The following ZNF347 variants were observed in gnomAD, a reference collection of about 807,000 sequenced individuals.
The protein encoded by ZNF347 is CTD-2620I22.7.
A neutral mutation model predicts 12.9 loss-of-function variants in ZNF347; 19 were observed. The observed-to-expected ratio is 1.47, with a 90% CI of 1.03 to 2.16. The LOEUF (loss-of-function observed/expected upper bound fraction) is 2.16. Among genes scored for constraint, ZNF347 ranks in the 30% most tolerant of loss-of-function variants. The pLI is 0.00. For synonymous variants in ZNF347, 328 were observed against 340.6 expected, an observed-to-expected ratio of 0.96 and a Z score of 0.41; for missense variants, 1,005 against 990.6, an observed-to-expected ratio of 1.01 and a Z score of -0.19.
rs368137575 is a variant in ZNF347 at position 53,149,020 on chromosome 19, T to C, written c.143-211A>G. 4.0e-5 allele frequency: 44 copies of C among 1,108,116 alleles called. No individual in the cohort carries two copies. The South Asian group carries it at 4.8e-4, about 12-fold the overall frequency. 68.6% of individuals were successfully genotyped at this position (1,108,116 alleles called of 1,614,324 possible). The stretch of plus-strand genomic sequence containing the variant: ...AAACCACTGAATCAAAGCATGGGGA[T>C]AGAAAACAGGGAATTGGATATTTTA... On this transcript the variant is annotated intron_variant, in intron 3 of 4. Coordinates refer to ENST00000334197, the MANE Select transcript of ZNF347 (RefSeq NM_032584.3).
At position 53,140,754 on chromosome 19, in the gene ZNF347, G is replaced by C. The variant is rs780251954; in HGVS notation, c.2074C>G (p.Gln692Glu). 1.9e-6 allele frequency: 3 copies of C among 1,612,296 alleles called. No individual in the cohort carries two copies. The highest frequency in any genetic ancestry group is 2.2e-5 in the South Asian group (2 of 90,862). The change falls in exon 5 of 5, where the codon CAA (glutamine) becomes GAA (glutamate). Residue 692 changes from glutamine (Q) to glutamate (E), a missense_variant. By Grantham distance (29) the Gln-to-Glu change is conservative (BLOSUM62 2). Coordinates refer to ENST00000334197, the MANE Select transcript of ZNF347 (RefSeq NM_032584.3). Reference sequence around the variant, plus strand: ...TGATGCCTTGCAAGCTTTGATGTTTGACTAAAGGCTTTGCCACATTCATTA... The same window carrying C: ...TGATGCCTTGCAAGCTTTGATGTTTCACTAAAGGCTTTGCCACATTCATTA... ...QCNECGKAFSQTSKLARHQRV... is the reference protein window; with the variant it reads ...QCNECGKAFSETSKLARHQRV...
intron 2 of ZNF347, 94 bp downstream of exon 2, chr19:53,153,639 G>C (rs1166771141): frequency 3.3e-6 from 5 of 1,526,302 alleles, no homozygotes; most frequent in Non-Finnish European, 4.5e-6. Context: ...TGTCAGGCAG[G>C]ACGCTTCAGA....
chr19:53,152,320 T>C (rs1312765052), intron 2 of ZNF347, among the ~76,000 whole-genome samples: 1 of 151,872 alleles, frequency 6.6e-6, no homozygotes, highest in Admixed American at 6.6e-5. Flanking sequence ...AAACATTCAC[T>C]GAAGGGCCGG....
chr19:53,138,537 TCA>T lies in ZNF347; in HGVS notation c.*1769_*1770del, dbSNP rs1439211604. 6.6e-6 allele frequency: 1 copy of T among 152,204 alleles called. No homozygotes were observed. The highest frequency in any genetic ancestry group is 1.5e-5 in the Non-Finnish European group (1 of 68,044). 9.4% of individuals were successfully genotyped at this position (152,204 alleles called of 1,614,324 possible). Reference sequence around the variant, plus strand: ...ATATTCACCAACACTGTGGCAGCTTTCAGAGTGTAAGAGTATGAAAACTGCAC... The same window carrying T: ...ATATTCACCAACACTGTGGCAGCTTTGAGTGTAAGAGTATGAAAACTGCAC... On this transcript the variant is annotated 3_prime_UTR_variant, in exon 5 of 5. Transcript: ENST00000334197.
chr19:53,141,741 G>C lies in ZNF347; in HGVS notation c.1087C>G (p.His363Asp). Residue 363 changes from histidine (H) to aspartate (D), a missense_variant, in exon 5 of 5, where the codon CAT becomes GAT. Physicochemically the swap from His to Asp is moderately conservative, Grantham distance 81. Transcript: ENST00000334197. The stretch of plus-strand genomic sequence containing the variant: ...TTCTCTCCAGTATGAATTCCTCGAT[G>C]TCTTACAAGGTGTGAATTCTGAGTG... The part of the protein sequence containing the change: ...VFTQNSHLVR[H>D]RGIHTGEKPY... The C allele has an allele frequency of 6.2e-7, 1 of 1,613,868 alleles. No individual in the cohort carries two copies.
intron 2 of ZNF347, among the ~76,000 whole-genome samples, chr19:53,152,704 G>A (rs1251669534): frequency 6.6e-6 from 1 of 152,098 alleles, no homozygotes; most frequent in Non-Finnish European, 1.5e-5. Flanking sequence ...GCCGAGGCAG[G>A]TGGATCACGA....
Position 53,148,663 on chromosome 19 carries a change from A to G in ZNF347, c.271+18T>C. 1.2e-6 allele frequency: 2 copies of G among 1,601,874 alleles called. No homozygotes were observed. The highest frequency in any genetic ancestry group is 1.1e-5 in the South Asian group (1 of 89,176). On this transcript the variant is annotated intron_variant, in intron 4 of 4. Coordinates refer to ENST00000334197, the MANE Select transcript of ZNF347 (RefSeq NM_032584.3). ...CTATTTAATAAACGGCATTTTCTCT[A>G]CCCATCTGAACTCTTACCTGTGATC... is the stretch of plus-strand genomic sequence containing the variant.
chr19:53,152,759 T>C (rs753454988), intron 2 of ZNF347, among the ~76,000 whole-genome samples: 4 of 150,052 alleles, frequency 2.7e-5, no homozygotes, highest in Non-Finnish European at 4.4e-5. Context: ...TGAAACCCCG[T>C]CTCTATTAAA....
rs1425505854 is a variant in ZNF347 at position 53,141,860 on chromosome 19, C to T, written c.968G>A (p.Gly323Asp). 5 of 1,613,910 alleles carry T rather than the reference C, an allele frequency of 3.1e-6. No individual in the cohort carries two copies. The highest frequency in any genetic ancestry group is 4.2e-6 in the Non-Finnish European group (5 of 1,179,982). Reference protein sequence around the residue: ...GEKRYKCNECGKVFSRNSQLS... With the variant: ...GEKRYKCNECDKVFSRNSQLS... ...TTGTGAATTTCGACTAAAGACCTTA[C>T]CACACTCATTACATTTGTAACGTTT... Residue 323 changes from glycine to aspartate, a missense_variant, in exon 5 of 5, where the codon GGT becomes GAT. By Grantham distance (94) the Gly-to-Asp change is moderately conservative. Transcript: ENST00000334197.
chr19:53,144,206 T>C lies in ZNF347; in HGVS notation c.272-1650A>G, dbSNP rs532819500. Among the ~76,000 whole-genome samples, 9 of 152,278 alleles carry C rather than the reference T, an allele frequency of 5.9e-5. No homozygotes were observed. In the South Asian group the frequency reaches 1.2e-3, roughly 21 times the overall value. On this transcript the variant is annotated intron_variant, in intron 4 of 4. Transcript: ENST00000334197. ...GGCCTGCTGAATGGATTATAAAACA[T>C]ACAGCTAACTATATGTTGCCTACAA...
chr19:53,151,236 C>A (rs924121687), intron 2 of ZNF347, among the ~76,000 whole-genome samples: 124 of 152,080 alleles, frequency 8.2e-4, no homozygotes, highest in African/African-American at 3.0e-3. Flanking sequence ...AGAATTAAAC[C>A]TAAAGAATCA....
rs2146796569 is a variant in ZNF347 at position 53,140,275 on chromosome 19, A to C, written c.*33T>G. 1.1e-4 allele frequency: 165 copies of C among 1,509,400 alleles called. No individual in the cohort carries two copies. Among genetic ancestry groups the C allele is most frequent in the Non-Finnish European group, 1.3e-4 (146 of 1,126,992 alleles). The allele number at this position is 1,509,400 out of a possible 1,614,324, so 93.5% of individuals were successfully genotyped here. A position where few individuals can be genotyped will look rare whatever the true frequency, so the allele number is the denominator to read the frequency against. ...CAAAGGAATGAATTCTAACTGCAAA[A>C]GTTACCACCTTCATTTGTAAGGTTT... On this transcript the variant is annotated 3_prime_UTR_variant, in exon 5 of 5. Coordinates refer to ENST00000334197, the MANE Select transcript of ZNF347 (RefSeq NM_032584.3).
intron 1 of ZNF347, among the ~76,000 whole-genome samples, chr19:53,154,942 TG>T (rs1476639114): frequency 1.0e-3 from 157 of 151,910 alleles, no homozygotes; most frequent in Non-Finnish European, 1.6e-3. Context: ...AGTTTTGTTT[TG>T]TTTTTTTTTT....
At chr19:53,155,330 GTGTGTT>G (rs1240395815) in intron 1 of ZNF347, among the ~76,000 whole-genome samples, 6 of 138,012 alleles carry the variant, frequency 4.3e-5, no homozygotes, top group South Asian at 4.3e-4. Flanking sequence ...GTGTGTGTGT[GTGTGTT>G]TGTTTTTTGT....
In ZNF347 at chr19:53,141,808, A is replaced by T; in HGVS notation, c.1020T>A (p.Thr340=). Residue 340 remains threonine (T), a synonymous_variant, in exon 5 of 5, where the codon ACT becomes ACA. Transcript: ENST00000334197. ...CGTTACATTTATAAGGTTTCTCTCCAGTGTGAATTTTCTGATGTTGTGAGA... is the reference window on the plus strand; with the variant it reads ...CGTTACATTTATAAGGTTTCTCTCCTGTGTGAATTTTCTGATGTTGTGAGA... ...SQLSQHQKIH[T]GEKPYKCNEC... The T allele has an allele frequency of 6.2e-7, 1 of 1,614,084 alleles. No individual in the cohort carries two copies. The highest frequency in any genetic ancestry group is 1.1e-5 in the South Asian group (1 of 91,050).
Position 53,141,502 on chromosome 19 carries a change from TGAAC to T in ZNF347, c.1322_1325del (p.Arg441GlnfsTer3), listed in dbSNP as rs765363679. The T allele has an allele frequency of 7.4e-6, 12 of 1,614,116 alleles. No homozygotes were observed. Among genetic ancestry groups the T allele is most frequent in the Non-Finnish European group, 9.3e-6 (11 of 1,180,016 alleles). ...GAATTACCAGATGAATAGCTAGGCT[TGAAC>T]GAACACCAAAGGCTTTGCCGCACTC... On this transcript the variant is annotated frameshift_variant, in exon 5 of 5. Transcript: ENST00000334197. LOFTEE classifies it low-confidence loss of function (END_TRUNC).
Position 53,142,144 on chromosome 19 carries a change from A to G in ZNF347, c.684T>C (p.Tyr228=). The G allele has an allele frequency of 6.2e-7, 1 of 1,614,044 alleles. No individual in the cohort carries two copies. The highest frequency in any genetic ancestry group is 2.2e-5 in the East Asian group (1 of 44,872). ...SSVSPPQQMP[Y]NVKTHISKKY... ...TCTTAGAAATGTGGGTTTTGACATT[A>G]TAAGGCATTTGTTGAGGTGGTGAAA... The change falls in exon 5 of 5, where the codon TAT becomes TAC. Residue 228 remains tyrosine, a synonymous_variant. Coordinates refer to ENST00000334197, the MANE Select transcript of ZNF347 (RefSeq NM_032584.3).
chr19:53,153,650 C>T (rs891074979), intron 2 of ZNF347, 83 bp downstream of exon 2: 6 of 1,563,106 alleles, frequency 3.8e-6, no homozygotes, highest in Non-Finnish European at 5.3e-6. Context: ...ACGCTTCAGA[C>T]TCAGAGAAGA....
chr19:53,151,173 G>C (rs2090494726), intron 2 of ZNF347, among the ~76,000 whole-genome samples: 1 of 152,180 alleles, frequency 6.6e-6, no homozygotes, highest in African/African-American at 2.4e-5. Flanking sequence ...CTTGCGTCAA[G>C]ACAAAGAGCT....
Sources: gnomAD v4.1 joint callset for allele counts (sites outside exome capture counted in the v4.1 genomes callset) on GRCh38, gnomAD v4.1.1 for gene constraint, MANE v1.5 for transcripts, NCBI Gene and HGNC (gene_info 2026-07-23, HGNC 2026-07-21) for gene names.